FCRL1: variants seen among roughly 807,000 people sequenced by gnomAD.
FCRL1 encodes Fc receptor like 1.
A neutral mutation model predicts 49.2 loss-of-function variants in FCRL1; 34 were observed. The ratio of observed to expected loss-of-function variants is 0.69; its 90% CI spans 0.53 to 0.92. The LOEUF (loss-of-function observed/expected upper bound fraction) is 0.92, where lower values mean the gene tolerates loss of function less well. Among genes scored for constraint, FCRL1 ranks in the 40% least tolerant of loss-of-function variants. The probability of loss-of-function intolerance (pLI) is 0.00; values close to 1 mark genes in which losing one functional copy is unlikely to be tolerated. For missense variants in FCRL1, 524 were observed against 524.1 expected, an observed-to-expected ratio of 1.00 and a Z score of 0.00; for synonymous variants, 218 against 201.6, an observed-to-expected ratio of 1.08 and a Z score of -0.69.
intron 1 of FCRL1, among the ~76,000 whole-genome samples, chr1:157,812,176 G>A (rs1457083594): frequency 6.6e-6 from 1 of 152,178 alleles, no homozygotes; most frequent in Non-Finnish European, 1.5e-5. Flanking sequence ...GCCCTTCTCA[G>A]CCAAACAGCC....
chr1:157,800,169 G>A (rs1396510805), intron 6 of FCRL1, 84 bp from the exon 7 acceptor site: 4 of 1,350,934 alleles, frequency 3.0e-6, no homozygotes, highest in Non-Finnish European at 4.2e-6. Context: ...CCCCTGCACA[G>A]GGATATGCCT....
chr1:157,817,708 T>C (rs890771477), intron 1 of FCRL1, among the ~76,000 whole-genome samples: 7 of 151,944 alleles, frequency 4.6e-5, no homozygotes, highest in Admixed American at 4.6e-4. Context: ...TTCAGCATAG[T>C]AAAAGAAACA....
chr1:157,816,163 T>C (rs1654991021), intron 1 of FCRL1, among the ~76,000 whole-genome samples: 1 of 151,838 alleles, frequency 6.6e-6, no homozygotes, highest in African/African-American at 2.4e-5. Flanking sequence ...AACTACAGGC[T>C]GATATCTCCG....
At chr1:157,803,781 G>C in intron 3 of FCRL1, 64 bp downstream of exon 3, 1 of 1,573,760 alleles carries the variant, frequency 6.4e-7, no homozygotes, top group Non-Finnish European at 8.6e-7. Flanking sequence ...ATAACAGTGA[G>C]GATTAGCCTC....
intron 2 of FCRL1, among the ~76,000 whole-genome samples, chr1:157,805,352 C>A (rs1408055774): frequency 6.6e-6 from 1 of 152,172 alleles, no homozygotes; most frequent in African/African-American, 2.4e-5. Flanking sequence ...TTTATTCTTT[C>A]CTTACCAGAT....
chr1:157,796,954 TG>T (rs1465367911), intron 10 of FCRL1, 146 bp downstream of exon 10: 1 of 676,664 alleles, frequency 1.5e-6, no homozygotes, highest in Non-Finnish European at 2.6e-6. Context: ...TGTAACTATG[TG>T]TTTTTACCTC....
intron 7 of FCRL1, among the ~76,000 whole-genome samples, chr1:157,799,292 G>T (rs1312035956): frequency 6.6e-6 from 1 of 152,120 alleles, no homozygotes. Flanking sequence ...GAGCCACTGT[G>T]CCCAGCCGCA....
chr1:157,795,292 T>G lies in FCRL1; in HGVS notation c.*807A>C, dbSNP rs1571322993. ...TTTGCTTGAGCCTGAGAGGCAGGCG[T>G]TGCAGTGAGGCAAGATTGTGCCACT... On this transcript the variant is annotated 3_prime_UTR_variant, in exon 11 of 11. Transcript: ENST00000368176. 1.3e-5 allele frequency: 2 copies of G among 152,184 alleles called. No homozygotes were observed. The highest frequency in any genetic ancestry group is 2.9e-5 in the Non-Finnish European group (2 of 68,040). 9.4% of individuals were successfully genotyped at this position (152,184 alleles called of 1,614,324 possible).
chr1:157,798,038 G>A (rs959118247), intron 8 of FCRL1, 99 bp from the exon 9 acceptor site: 2 of 1,502,698 alleles, frequency 1.3e-6, no homozygotes, highest in African/African-American at 1.4e-5. Flanking sequence ...AGACAGATGA[G>A]TCATTTGTTT....
chr1:157,819,942 C>A, intron 1 of FCRL1, 65 bp downstream of exon 1: 3 of 1,580,666 alleles, frequency 1.9e-6, no homozygotes, highest in Admixed American at 3.3e-5. Context: ...GTCCTTACAG[C>A]CCTTCAGGAA....
At chr1:157,812,861 G>T (rs12129250) in intron 1 of FCRL1, among the ~76,000 whole-genome samples, 32,100 of 152,034 alleles carry the variant, frequency 0.21, 3,569 homozygotes, top group Non-Finnish European at 0.24. Context: ...AGGTATGATG[G>T]TCTATGAGGA....
At chr1:157,801,885 A>C in intron 5 of FCRL1, 30 bp downstream of exon 5, 1 of 1,592,646 alleles carries the variant, frequency 6.3e-7, no homozygotes, top group Non-Finnish European at 8.5e-7. Context: ...GGAGACATTG[A>C]CCAAGACAGT....
chr1:157,808,169 T>C (rs1653763701), intron 1 of FCRL1, among the ~76,000 whole-genome samples: 1 of 152,194 alleles, frequency 6.6e-6, no homozygotes, highest in Non-Finnish European at 1.5e-5. Context: ...CCAGACGTTG[T>C]GCATGGCCCT....
intron 1 of FCRL1, among the ~76,000 whole-genome samples, chr1:157,807,710 C>T (rs1653697497): frequency 6.6e-6 from 1 of 152,192 alleles, no homozygotes; most frequent in South Asian, 2.1e-4. Flanking sequence ...TCTCTTCTAT[C>T]CCAAGGACTT....
Position 157,800,103 on chromosome 1 carries a change from G to T in FCRL1, c.1004-18C>A, listed in dbSNP as rs375143621. 22 of 1,612,356 alleles carry T rather than the reference G, an allele frequency of 1.4e-5. No individual in the cohort carries two copies. Among genetic ancestry groups the T allele is most frequent in the Non-Finnish European group, 1.9e-5 (22 of 1,178,952 alleles). ...ACGTCTTCCTGAAAGAAAAACAAAT[G>T]AGCATACACATAAATGGAAGAACCC... On this transcript the variant is annotated intron_variant, in intron 6 of 10. Transcript: ENST00000368176.
At position 157,795,979 on chromosome 1, in the gene FCRL1, G is replaced by T; in HGVS notation, c.*120C>A. The T allele has an allele frequency of 2.4e-6, 2 of 840,120 alleles. No individual in the cohort carries two copies. The highest frequency in any genetic ancestry group is 2.0e-6 in the Non-Finnish European group (1 of 498,306). 52.0% of individuals were successfully genotyped at this position (840,120 alleles called of 1,614,324 possible). A position where few individuals can be genotyped will look rare whatever the true frequency, so the allele number is the denominator to read the frequency against. ...ACAGTAGATGAAGGAATAGTGCCAT[G>T]GAGAATGGCATCCAGAAGAGGTATA... is the stretch of plus-strand genomic sequence containing the variant. On this transcript the variant is annotated 3_prime_UTR_variant, in exon 11 of 11. Transcript: ENST00000368176.
At chr1:157,809,382 T>C (rs1439930468) in intron 1 of FCRL1, among the ~76,000 whole-genome samples, 1 of 151,502 alleles carries the variant, frequency 6.6e-6, no homozygotes, top group Non-Finnish European at 1.5e-5. Flanking sequence ...AAAAAATAAA[T>C]TAATTAATTT....
rs1651629856 is a variant in FCRL1 at position 157,797,123 on chromosome 1, A to G, written c.1196T>C (p.Leu399Pro). Residue 399 changes from leucine to proline, a missense_variant, in exon 10 of 11, where the codon CTG (leucine) becomes CCG (proline). Leu to Pro is a moderately conservative substitution (Grantham distance 98). Transcript: ENST00000368176. ...TACCTTGTCCTCCATATGTGTCCCCAGGGTTTCTGCTGTGGAGAAAAGACA... is the reference window on the plus strand; with the variant it reads ...TACCTTGTCCTCCATATGTGTCCCCGGGGTTTCTGCTGTGGAGAAAAGACA... ...PEQESVAAET[L>P]GTHMEDKVSL... is the part of the protein sequence containing the mutation. 1.9e-6 allele frequency: 3 copies of G among 1,613,910 alleles called. No individual in the cohort carries two copies. The highest frequency in any genetic ancestry group is 1.3e-5 in the African/African-American group (1 of 74,938).
chr1:157,801,612 G>T, intron 5 of FCRL1, 35 bp from the exon 6 acceptor site: 1 of 1,449,850 alleles, frequency 6.9e-7, no homozygotes, highest in Non-Finnish European at 9.7e-7. Flanking sequence ...TCTGCTCAGA[G>T]GAAGGGCTTG....
Sources: allele counts gnomAD v4.1 joint callset (sites outside exome capture counted in the v4.1 genomes callset), GRCh38; gene constraint gnomAD v4.1.1; transcripts MANE v1.5; gene names NCBI Gene and HGNC (gene_info 2026-07-23, HGNC 2026-07-21).